The following ING2 variants were observed in gnomAD, a reference collection of about 807,000 sequenced individuals.
ING2 encodes inhibitor of growth protein 2.
Under a neutral mutation model 30.6 loss-of-function variants are expected in ING2, and 7 were observed. The observed-to-expected ratio is 0.23, with a 90% CI of 0.13 to 0.43. The LOEUF is 0.43. ING2 is among the 20% of genes least tolerant of loss of function. The pLI, the probability that ING2 is intolerant of heterozygous loss-of-function variation, is 1.00. For synonymous variants in ING2, 136 were observed against 121.7 expected (o/e 1.12, Z -0.78); for missense variants, 239 against 334.9 (o/e 0.71, Z 2.24).
intron 1 of ING2, among the ~76,000 whole-genome samples, chr4:183,507,894 T>C (rs866250062): frequency 2.0e-5 from 3 of 152,300 alleles, no homozygotes; most frequent in Middle Eastern, 3.4e-3. Flanking sequence ...AATTTCACAA[T>C]TGAAGTACTT....
chr4:183,505,451 C>T (rs1734612827), intron 1 of ING2, 84 bp downstream of exon 1: 12 of 1,330,082 alleles, frequency 9.0e-6, no homozygotes, highest in African/African-American at 3.0e-5. Flanking sequence ...TCTCCCGTGA[C>T]AGTCTCCCCG....
intron 1 of ING2, chr4:183,506,036 G>T: frequency 1.9e-6 from 2 of 1,064,974 alleles, no homozygotes; most frequent in Non-Finnish European, 2.3e-6. Flanking sequence ...GTGTGGCGGG[G>T]AGGGCCCCCG....
At chr4:183,506,044 C>A in intron 1 of ING2, 1 of 1,104,870 alleles carries the variant, frequency 9.1e-7, no homozygotes. Flanking sequence ...GGGAGGGCCC[C>A]CGCGCCGGGG....
At position 183,510,926 on chromosome 4, in the gene ING2, A is replaced by G; in HGVS notation, c.817A>G (p.Thr273Ala). The part of the protein sequence containing the change: ...EKTMDKSTEK[T>A]KKDRRSR The stretch of plus-strand genomic sequence containing the variant: ...AACAATGGACAAAAGTACTGAAAAG[A>G]CAAAAAAGGATAGAAGATCGAGGTA... The change falls in exon 2 of 2, where the codon ACA (threonine) becomes GCA (alanine). Residue 273 changes from threonine to alanine, a missense_variant. Physicochemically the swap from Thr to Ala is moderately conservative, Grantham distance 58. Coordinates refer to ENST00000302327, the MANE Select transcript of ING2 (RefSeq NM_001564.4). The G allele has an allele frequency of 6.3e-7, 1 of 1,598,058 alleles. No homozygotes were observed. The highest frequency in any genetic ancestry group is 1.1e-5 in the South Asian group (1 of 89,796).
At position 183,505,339 on chromosome 4, in the gene ING2, G is replaced by A. The variant is rs1471730237; in HGVS notation, c.144G>A (p.Val48=). The A allele has an allele frequency of 6.5e-7, 1 of 1,542,056 alleles. No individual in the cohort carries two copies. The highest frequency in any genetic ancestry group is 1.2e-5 in the South Asian group (1 of 83,520). The change falls in exon 1 of 2, where the codon GTG becomes GTA. Residue 48 remains valine (V), a synonymous_variant. Coordinates refer to ENST00000302327, the MANE Select transcript of ING2 (RefSeq NM_001564.4). ...ACGACATGCAGAGGAACGTGTCTGT[G>A]CTGCGAGAGCTGGACAACAAATATC... ...LPHDMQRNVS[V]LRELDNKYQE...
intron 1 of ING2, among the ~76,000 whole-genome samples, chr4:183,505,919 G>A (rs947102430): frequency 1.3e-5 from 2 of 152,194 alleles, no homozygotes; most frequent in East Asian, 3.9e-4. Flanking sequence ...CCGCTCTCTC[G>A]CCCCGGGAAA....
In ING2 at chr4:183,510,986, C is replaced by G. The variant is rs1560971405; in HGVS notation, c.*34C>G. 1 of 1,497,814 alleles carries G rather than the reference C, an allele frequency of 6.7e-7. No homozygotes were observed. Among genetic ancestry groups the G allele is most frequent in the Non-Finnish European group, 9.0e-7 (1 of 1,116,860 alleles). The allele number at this position is 1,497,814 out of a possible 1,614,324, so 92.8% of individuals were successfully genotyped here. ...ATCCACATTTTAAAGGGTTATTTGT[C>G]TTTTATATAATTCGTTTGCTTTCAG... On this transcript the variant is annotated 3_prime_UTR_variant, in exon 2 of 2. Coordinates refer to ENST00000302327, the MANE Select transcript of ING2 (RefSeq NM_001564.4).
chr4:183,507,464 G>A (rs1370744264), intron 1 of ING2, among the ~76,000 whole-genome samples: 1 of 152,214 alleles, frequency 6.6e-6, no homozygotes, highest in Non-Finnish European at 1.5e-5. Context: ...TAAGCTATTT[G>A]AAGTTGGTGA....
At chr4:183,505,420 G>A (rs1734611699) in intron 1 of ING2, 53 bp downstream of exon 1, 1 of 1,454,408 alleles carries the variant, frequency 6.9e-7, no homozygotes, top group Non-Finnish European at 9.2e-7. Flanking sequence ...GAGCCTGTCC[G>A]GGGGAGTGCC....
At chr4:183,506,562 TGAATC>T (rs1212716298) in intron 1 of ING2, among the ~76,000 whole-genome samples, 3 of 152,170 alleles carry the variant, frequency 2.0e-5, no homozygotes, top group Non-Finnish European at 4.4e-5. Flanking sequence ...TTAATAACCT[TGAATC>T]GAGGAACAGA....
intron 1 of ING2, chr4:183,506,417 T>C: frequency 1.1e-6 from 1 of 885,394 alleles, no homozygotes; most frequent in Non-Finnish European, 1.6e-6. Context: ...TTCTCCGACT[T>C]TAAGTGTGGA....
chr4:183,506,299 G>A, intron 1 of ING2: 3 of 1,304,220 alleles, frequency 2.3e-6, no homozygotes, highest in Non-Finnish European at 3.0e-6. Flanking sequence ...AGCTCGGACC[G>A]TCGCGGATCC....
At chr4:183,506,729 T>C (rs1389702710) in intron 1 of ING2, among the ~76,000 whole-genome samples, 1 of 152,006 alleles carries the variant, frequency 6.6e-6, no homozygotes, top group Non-Finnish European at 1.5e-5. Context: ...TGTTTTTTAG[T>C]TTATAAATTT....
At chr4:183,505,480 C>T (rs1343733689) in intron 1 of ING2, 113 bp downstream of exon 1, 4 of 1,141,238 alleles carry the variant, frequency 3.5e-6, no homozygotes, top group Non-Finnish European at 4.9e-6. Context: ...GAGGGTCTGC[C>T]GAGCGGGACT....
At position 183,511,592 on chromosome 4, in the gene ING2, G is replaced by A. The variant is rs1734822138; in HGVS notation, c.*640G>A. On this transcript the variant is annotated 3_prime_UTR_variant, in exon 2 of 2. Coordinates refer to ENST00000302327, the MANE Select transcript of ING2 (RefSeq NM_001564.4). ...TTTGTCAATGCCTTGCTGCTGCTTT[G>A]TAGATATACTTAGTCTAGTGCTTAA... is the stretch of plus-strand genomic sequence containing the variant. 6.6e-6 allele frequency among the ~76,000 whole-genome samples: 1 copy of A among 152,168 alleles called. No individual in the cohort carries two copies. Among genetic ancestry groups the A allele is most frequent in the African/African-American group, 2.4e-5 (1 of 41,440 alleles).
In ING2 at chr4:183,505,254, G is replaced by C. The variant is rs1734606771; in HGVS notation, c.59G>C (p.Arg20Pro). The part of the protein sequence containing the change: ...YSSAALLTGE[R>P]SRLLTCYVQD... ...TCGGCCGCGCTCCTGACCGGGGAGC[G>C]GAGCCGGCTGCTCACCTGCTACGTG... Residue 20 changes from arginine (R) to proline (P), a missense_variant, in exon 1 of 2, where the codon CGG becomes CCG. Arg to Pro is a moderately radical substitution (Grantham distance 103, BLOSUM62 -2). Transcript: ENST00000302327. The C allele has an allele frequency of 6.3e-7, 1 of 1,594,700 alleles. No homozygotes were observed.
chr4:183,510,415 G>A lies in ING2; in HGVS notation c.306G>A (p.Gln102=). ...NSQELGDEKI[Q]IVTQMLELVE... ...AAGAATTGGGAGATGAAAAAATACAGATTGTTACACAAATGCTCGAATTGG... is the reference window on the plus strand; with the variant it reads ...AAGAATTGGGAGATGAAAAAATACAAATTGTTACACAAATGCTCGAATTGG... Residue 102 remains glutamine (Q), a synonymous_variant, in exon 2 of 2, where the codon CAG becomes CAA. Transcript: ENST00000302327. 3.1e-6 allele frequency: 5 copies of A among 1,614,152 alleles called. No homozygotes were observed. The highest frequency in any genetic ancestry group is 4.2e-6 in the Non-Finnish European group (5 of 1,180,030).
chr4:183,509,585 A>G (rs1734764346), intron 1 of ING2, among the ~76,000 whole-genome samples: 1 of 150,538 alleles, frequency 6.6e-6, no homozygotes, highest in Non-Finnish European at 1.5e-5. Context: ...AGCTGGGACT[A>G]CAGGCGCCCG....
chr4:183,506,158 C>T (rs911005066), intron 1 of ING2: 3 of 1,270,082 alleles, frequency 2.4e-6, no homozygotes, highest in African/African-American at 1.5e-5. Flanking sequence ...GAGCTGGCTG[C>T]TGGGGAGGGA....
Sources: allele counts gnomAD v4.1 joint callset (sites outside exome capture counted in the v4.1 genomes callset), GRCh38; gene constraint gnomAD v4.1.1; transcripts MANE v1.5; gene names NCBI Gene and HGNC (gene_info 2026-07-23, HGNC 2026-07-21).